BMPER: variants seen among roughly 807,000 people sequenced by gnomAD.
The protein encoded by BMPER is BMP-binding endothelial regulator protein.
BMPER carries 45 observed loss-of-function variants against 87.3 expected under a neutral mutation model. That is an observed-to-expected ratio of 0.52 (90% CI 0.41 to 0.66). BMPER has a LOEUF of 0.66. BMPER is among the 30% of genes least tolerant of loss of function. The pLI is 0.00. For missense variants in BMPER, 784 were observed against 867.5 expected (o/e 0.90, Z 1.21); for synonymous variants, 326 against 316.2 (o/e 1.03, Z -0.33).
intron 10 of BMPER, among the ~76,000 whole-genome samples, chr7:34,061,247 C>T (rs1452447794): frequency 6.6e-6 from 1 of 152,122 alleles, no homozygotes; most frequent in African/African-American, 2.4e-5. Context: ...CTTTGATTAA[C>T]CACTGAGTCA....
chr7:33,998,633 TC>T (rs1786486379), intron 6 of BMPER, among the ~76,000 whole-genome samples: 1 of 152,178 alleles, frequency 6.6e-6, no homozygotes, highest in Non-Finnish European at 1.5e-5. Flanking sequence ...TTCAGCAGAC[TC>T]CCTGAGAACG....
At chr7:33,942,703 A>G (rs1784797143) in intron 3 of BMPER, among the ~76,000 whole-genome samples, 1 of 152,226 alleles carries the variant, frequency 6.6e-6, no homozygotes, top group Non-Finnish European at 1.5e-5. Flanking sequence ...AATATACTTG[A>G]GAAAAATCAA....
intron 2 of BMPER, among the ~76,000 whole-genome samples, chr7:33,930,821 A>G (rs909935714): frequency 3.3e-5 from 5 of 152,142 alleles, no homozygotes; most frequent in Admixed American, 6.5e-5. Flanking sequence ...ATGGTGGTAC[A>G]TGCCTGTAGT....
intron 3 of BMPER, among the ~76,000 whole-genome samples, chr7:33,952,669 A>T (rs558346013): frequency 3.3e-5 from 5 of 152,272 alleles, no homozygotes; most frequent in African/African-American, 1.2e-4. Flanking sequence ...CAGGCATCTG[A>T]TTGTTATTTT....
chr7:33,998,715 G>A (rs1786489922), intron 6 of BMPER, among the ~76,000 whole-genome samples: 1 of 152,182 alleles, frequency 6.6e-6, no homozygotes, highest in African/African-American at 2.4e-5. Context: ...ATCTGTGTGG[G>A]GAGCAGCCCT....
chr7:34,103,297 T>C (rs1294321319), intron 13 of BMPER, among the ~76,000 whole-genome samples: 1 of 152,222 alleles, frequency 6.6e-6, no homozygotes, highest in Non-Finnish European at 1.5e-5. Context: ...TGTTGGGCTC[T>C]AAGTGGACCT....
chr7:34,044,641 A>G (rs1388707806), intron 6 of BMPER, among the ~76,000 whole-genome samples: 2 of 152,206 alleles, frequency 1.3e-5, no homozygotes, highest in Admixed American at 1.3e-4. Context: ...GAGGAATCTC[A>G]GAGCAGCCTG....
chr7:34,011,583 C>CAAAAAA (rs36022297), intron 6 of BMPER, among the ~76,000 whole-genome samples: 14 of 45,752 alleles, frequency 3.1e-4, no homozygotes, highest in East Asian at 7.6e-4. Flanking sequence ...TTGGTCAGGG[C>CAAAAAA]AAAAAAAAAA....
intron 2 of BMPER, among the ~76,000 whole-genome samples, chr7:33,923,235 T>G (rs1442017695): frequency 6.6e-6 from 1 of 152,212 alleles, no homozygotes; most frequent in Non-Finnish European, 1.5e-5. Flanking sequence ...CAGGACTCAG[T>G]ATAACAGAGA....
chr7:34,100,237 T>C (rs1789643964), intron 13 of BMPER, among the ~76,000 whole-genome samples: 1 of 152,222 alleles, frequency 6.6e-6, no homozygotes, highest in South Asian at 2.1e-4. Context: ...CATGTATCTA[T>C]GCTATGATAT....
At chr7:33,984,224 T>C (rs896742886) in intron 6 of BMPER, among the ~76,000 whole-genome samples, 4 of 152,048 alleles carry the variant, frequency 2.6e-5, no homozygotes, top group Admixed American at 2.6e-4. Flanking sequence ...TCCTAGCACT[T>C]TGGGAGGCCG....
intron 13 of BMPER, among the ~76,000 whole-genome samples, chr7:34,104,487 T>G (rs1789768159): frequency 6.6e-6 from 1 of 152,214 alleles, no homozygotes; most frequent in Non-Finnish European, 1.5e-5. Context: ...GTTTAAACCT[T>G]GAGACTTGTT....
At chr7:34,084,886 A>G (rs1446341161) in intron 12 of BMPER, among the ~76,000 whole-genome samples, 1 of 152,214 alleles carries the variant, frequency 6.6e-6, no homozygotes, top group Non-Finnish European at 1.5e-5. Context: ...TTTCTTCAGC[A>G]TTTTAGATAG....
chr7:34,151,526 GT>G (rs1791175431), intron 14 of BMPER, among the ~76,000 whole-genome samples: 1 of 152,240 alleles, frequency 6.6e-6, no homozygotes, highest in Non-Finnish European at 1.5e-5. Context: ...AAAGCTGAGT[GT>G]GAGCCAGGTG....
intron 13 of BMPER, among the ~76,000 whole-genome samples, chr7:34,101,055 T>G (rs927681476): frequency 6.6e-6 from 1 of 152,218 alleles, no homozygotes; most frequent in African/African-American, 2.4e-5. Context: ...GGTCCGGACA[T>G]GATCTTTGTA....
chr7:34,119,167 A>G (rs1167329946), intron 13 of BMPER, among the ~76,000 whole-genome samples: 1 of 152,344 alleles, frequency 6.6e-6, no homozygotes, highest in East Asian at 1.9e-4. Context: ...ACTGGCTAGG[A>G]CTACTGAGAG....
chr7:34,006,893 G>A lies in BMPER; in HGVS notation c.576+32109G>A, dbSNP rs574979946. On this transcript the variant is annotated intron_variant, in intron 6 of 14. Coordinates refer to ENST00000649409, the MANE Select transcript of BMPER (RefSeq NM_001365308.1). ...TTTTCTCTACCAGAAGTGGAGAACA[G>A]GACAGAATGAAGGAGATTTGAGGAG... is the stretch of plus-strand genomic sequence containing the variant. Among the ~76,000 whole-genome samples the A allele has an allele frequency of 3.9e-4, 60 of 152,210 alleles. No individual in the cohort carries two copies. The South Asian group carries it at 0.011, about 27-fold the overall frequency.
intron 6 of BMPER, among the ~76,000 whole-genome samples, chr7:34,005,926 A>G (rs1786719648): frequency 6.6e-6 from 1 of 152,078 alleles, no homozygotes; most frequent in South Asian, 2.1e-4. Flanking sequence ...AATATATTTA[A>G]AAAATATACT....
At chr7:34,129,606 G>GAA (rs1355583211) in intron 13 of BMPER, among the ~76,000 whole-genome samples, 16 of 86,328 alleles carry the variant, frequency 1.9e-4, no homozygotes, top group East Asian at 7.2e-4. Context: ...GAGAGAGAGA[G>GAA]AGAAAGAGAG....
Sources: gnomAD v4.1 joint callset for allele counts (sites outside exome capture counted in the v4.1 genomes callset) on GRCh38, gnomAD v4.1.1 for gene constraint, MANE v1.5 for transcripts, NCBI Gene and HGNC (gene_info 2026-07-23, HGNC 2026-07-21) for gene names.